The following TBC1D9 variants were observed in gnomAD, a reference collection of about 807,000 sequenced individuals.
TBC1D9 encodes TBC1 domain family member 9A.
A neutral mutation model predicts 132.0 loss-of-function variants in TBC1D9; 63 were observed. That is an observed-to-expected ratio of 0.48 (90% confidence interval 0.39 to 0.59). TBC1D9 has a LOEUF of 0.59. Ranked by LOEUF, TBC1D9 falls within the 20% of genes least tolerant of loss-of-function variation. TBC1D9 has a pLI of 0.00. For missense variants in TBC1D9, 1,261 were observed against 1,592.7 expected, an observed-to-expected ratio of 0.79 and a Z score of 3.54; for synonymous variants, 610 against 609.9, an observed-to-expected ratio of 1.00 and a Z score of 0.00.
At chr4:140,674,448 C>T (rs1242285784) in intron 6 of TBC1D9, among the ~76,000 whole-genome samples, 4 of 152,080 alleles carry the variant, frequency 2.6e-5, no homozygotes, top group Admixed American at 1.3e-4. Context: ...CTAGATGCAA[C>T]GGAAAGGTCC....
Position 140,715,137 on chromosome 4 carries a change from GAACA to G in TBC1D9, c.131-13527_131-13524del, listed in dbSNP as rs900560739. Among the ~76,000 whole-genome samples the G allele has an allele frequency of 2.6e-5, 4 of 152,110 alleles. No individual in the cohort carries two copies. In the East Asian group the frequency reaches 5.8e-4, roughly 22 times the overall value. ...AGACCCTGTCTCAAAACAAACAAAC[GAACA>G]AACAAACAAAGCAAGTCTGTTTTGT... On this transcript the variant is annotated intron_variant, in intron 1 of 20. Transcript: ENST00000442267.
chr4:140,661,547 G>A (rs1179615075), intron 10 of TBC1D9, among the ~76,000 whole-genome samples: 5 of 152,172 alleles, frequency 3.3e-5, no homozygotes, highest in African/African-American at 1.2e-4. Flanking sequence ...CTAGACAGTG[G>A]TGAATCCAGG....
At chr4:140,671,293 C>T (rs1737531819) in intron 6 of TBC1D9, among the ~76,000 whole-genome samples, 2 of 152,088 alleles carry the variant, frequency 1.3e-5, no homozygotes, top group African/African-American at 2.4e-5. Context: ...AAACATCCTA[C>T]GACACACAGG....
intron 16 of TBC1D9, among the ~76,000 whole-genome samples, chr4:140,632,452 T>TA (rs531929632): frequency 1.5e-3 from 229 of 152,304 alleles, no homozygotes; most frequent in African/African-American, 5.3e-3. Context: ...TCCTTCTTCC[T>TA]AAAAAATGCC....
At chr4:140,694,033 T>C (rs1466487869) in intron 2 of TBC1D9, among the ~76,000 whole-genome samples, 1 of 152,238 alleles carries the variant, frequency 6.6e-6, no homozygotes, top group East Asian at 1.9e-4. Context: ...ATTAATTACA[T>C]GCATATCCTT....
chr4:140,680,692 C>T lies in TBC1D9; in HGVS notation c.361-849G>A, dbSNP rs563871511. 2.0e-5 allele frequency among the ~76,000 whole-genome samples: 3 copies of T among 152,306 alleles called. No homozygotes were observed. In the South Asian group the frequency reaches 6.2e-4, roughly 32 times the overall value. ...AAGTCTTAGATTCGTGCTCCCACCG[C>T]ATCACTGTATCTGTGTAGCCTTGGC... is the stretch of plus-strand genomic sequence containing the variant. On this transcript the variant is annotated intron_variant, in intron 3 of 20. Transcript: ENST00000442267.
At chr4:140,637,594 A>G (rs571436634) in intron 15 of TBC1D9, among the ~76,000 whole-genome samples, 1 of 152,230 alleles carries the variant, frequency 6.6e-6, no homozygotes, top group Admixed American at 6.5e-5. Context: ...GGTCCTCAGC[A>G]TCCCTTAAAA....
chr4:140,638,067 A>C (rs779605203), intron 15 of TBC1D9, among the ~76,000 whole-genome samples: 1 of 152,242 alleles, frequency 6.6e-6, no homozygotes, highest in Non-Finnish European at 1.5e-5. Context: ...GGGCGACATC[A>C]GCAAGGGCAG....
intron 1 of TBC1D9, among the ~76,000 whole-genome samples, chr4:140,741,189 C>G (rs974531898): frequency 6.6e-6 from 1 of 152,064 alleles, no homozygotes. Context: ...GAAGAAGATA[C>G]CAAACTCCAA....
rs79794921 is a variant in TBC1D9, at chr4:140,706,025, A to T, written c.131-4411T>A. On this transcript the variant is annotated intron_variant, in intron 1 of 20. Transcript: ENST00000442267. This position sits in a 1 kb window ranked among gnomAD's most constrained non-coding sequence, Gnocchi z 4.0. ...ATTTGCTTCCCATTTGGTTGTGGGC[A>T]CTGGAAGATGTGTGATGCACAGTCA... 6.6e-6 allele frequency among the ~76,000 whole-genome samples: 1 copy of T among 152,200 alleles called. No individual in the cohort carries two copies. Among genetic ancestry groups the T allele is most frequent in the Non-Finnish European group, 1.5e-5 (1 of 68,030 alleles).
Position 140,657,814 on chromosome 4 carries a change from T to C in TBC1D9, c.1922-2A>G, listed in dbSNP as rs1425169126. The C allele has an allele frequency of 6.2e-7, 1 of 1,609,062 alleles. No homozygotes were observed. The highest frequency in any genetic ancestry group is 8.5e-7 in the Non-Finnish European group (1 of 1,177,546). ...AGACACCTTGGTCCACCAGTGCACCTGTGGCAGCGATGTATACAAAAAGGC... is the reference window on the plus strand; with the variant it reads ...AGACACCTTGGTCCACCAGTGCACCCGTGGCAGCGATGTATACAAAAAGGC... On this transcript the variant is annotated splice_acceptor_variant, in intron 11 of 20. Coordinates refer to ENST00000442267, the MANE Select transcript of TBC1D9 (RefSeq NM_015130.3). LOFTEE classifies it high-confidence loss of function.
chr4:140,656,257 A>G (rs1168788951), intron 13 of TBC1D9, among the ~76,000 whole-genome samples: 1 of 152,152 alleles, frequency 6.6e-6, no homozygotes, highest in Non-Finnish European at 1.5e-5. Context: ...AATCCCCATC[A>G]CAACAGTGTT....
Position 140,706,895 on chromosome 4 carries a change from T to C in TBC1D9, c.131-5281A>G, listed in dbSNP as rs1180877577. Among the ~76,000 whole-genome samples, 1 of 152,242 alleles carries C rather than the reference T, an allele frequency of 6.6e-6. No homozygotes were observed. The highest frequency in any genetic ancestry group is 1.5e-5 in the Non-Finnish European group (1 of 68,032). ...TATTACAACTTATCTGTTTTCCTAG[T>C]AAAGGACATTGGATCTATCCACACT... On this transcript the variant is annotated intron_variant, in intron 1 of 20. Transcript: ENST00000442267. The surrounding 1 kb of genome is among the most constrained non-coding windows in gnomAD (Gnocchi z 4.0).
intron 5 of TBC1D9, among the ~76,000 whole-genome samples, chr4:140,678,238 T>C (rs1737654412): frequency 6.6e-6 from 1 of 152,240 alleles, no homozygotes; most frequent in Non-Finnish European, 1.5e-5. Flanking sequence ...ACATCAATGA[T>C]TTCCAATTTT....
rs145474200 is a variant in TBC1D9, at chr4:140,701,239, C to T, written c.241+265G>A. Among the ~76,000 whole-genome samples the T allele has an allele frequency of 2.7e-3, 408 of 152,280 alleles. 1 individual carries two copies. Among genetic ancestry groups the T allele is most frequent in the African/African-American group, 9.3e-3 (385 of 41,552 alleles). On this transcript the variant is annotated intron_variant, in intron 2 of 20. Transcript: ENST00000442267. Reference sequence around the variant, plus strand: ...CTCACACTCTTCCCTTGTATGCTGACCTTGGAGGCCTTGTGTTCCAGAGAG... The same window carrying T: ...CTCACACTCTTCCCTTGTATGCTGATCTTGGAGGCCTTGTGTTCCAGAGAG...
chr4:140,695,160 G>T (rs1025915161), intron 2 of TBC1D9, among the ~76,000 whole-genome samples: 2 of 152,176 alleles, frequency 1.3e-5, no homozygotes, highest in African/African-American at 4.8e-5. Context: ...AATTATAAAA[G>T]CCAGCATGGT....
At chr4:140,752,774 A>G (rs1738945612) in intron 1 of TBC1D9, among the ~76,000 whole-genome samples, 1 of 152,192 alleles carries the variant, frequency 6.6e-6, no homozygotes, top group South Asian at 2.1e-4. Context: ...ATTTTTAAAA[A>G]ATGTTAAGTG....
chr4:140,720,735 T>C (rs967823338), intron 1 of TBC1D9, among the ~76,000 whole-genome samples: 4 of 152,224 alleles, frequency 2.6e-5, no homozygotes, highest in Non-Finnish European at 4.4e-5. Flanking sequence ...GGCTCCTTAA[T>C]GCACCCTCTT....
chr4:140,633,143 T>C (rs1736824407), intron 16 of TBC1D9, among the ~76,000 whole-genome samples: 1 of 152,376 alleles, frequency 6.6e-6, no homozygotes, highest in African/African-American at 2.4e-5. Flanking sequence ...GCTCTATGCC[T>C]GACATTTTCT....
Sources: allele counts gnomAD v4.1 joint callset (sites outside exome capture counted in the v4.1 genomes callset), GRCh38; gene constraint gnomAD v4.1.1; non-coding constraint Gnocchi (gnomAD v3.1); transcripts MANE v1.5; gene names NCBI Gene and HGNC (gene_info 2026-07-23, HGNC 2026-07-21).